Variants in DPP10 observed in about 807,000 individuals in gnomAD.
DPP10 encodes dipeptidyl peptidase like 10.
Under a neutral mutation model 120.9 loss-of-function variants are expected in DPP10, and 33 were observed. That is an observed-to-expected ratio of 0.27 (90% confidence interval 0.21 to 0.37). DPP10 has a LOEUF of 0.37. DPP10 is among the 10% of genes least tolerant of loss of function. The pLI, the probability that DPP10 is intolerant of heterozygous loss-of-function variation, is 1.00. For missense variants in DPP10, 816 were observed against 942.8 expected (o/e 0.87, Z 1.76); for synonymous variants, 337 against 326.1 (o/e 1.03, Z -0.36).
At chr2:115,518,258 A>G (rs1462511492) in intron 4 of DPP10, among the ~76,000 whole-genome samples, 2 of 152,190 alleles carry the variant, frequency 1.3e-5, no homozygotes, top group Non-Finnish European at 2.9e-5. Flanking sequence ...AGCAATATCA[A>G]ATATGGTATC....
chr2:114,590,274 T>C (rs764182715), intron 1 of DPP10, among the ~76,000 whole-genome samples: 2 of 152,148 alleles, frequency 1.3e-5, no homozygotes. Context: ...AATTGAGGAA[T>C]GAGTGTAGTC....
chr2:115,724,849 G>C (rs2092728126), intron 7 of DPP10, among the ~76,000 whole-genome samples: 1 of 152,170 alleles, frequency 6.6e-6, no homozygotes, highest in African/African-American at 2.4e-5. Flanking sequence ...GGTAAAGCAG[G>C]AGCAGGCATA....
chr2:114,783,423 T>C (rs893143907), intron 1 of DPP10, among the ~76,000 whole-genome samples: 1 of 152,104 alleles, frequency 6.6e-6, no homozygotes, highest in South Asian at 2.1e-4. Flanking sequence ...ACAGAACAGA[T>C]ATAAGAAGAG....
intron 19 of DPP10, among the ~76,000 whole-genome samples, chr2:115,797,000 T>C (rs1265947916): frequency 6.6e-6 from 1 of 152,146 alleles, no homozygotes; most frequent in African/African-American, 2.4e-5. Flanking sequence ...ATGATAATTA[T>C]TGGCATATTA....
chr2:114,988,238 C>T (rs1056816038), intron 1 of DPP10, among the ~76,000 whole-genome samples: 1 of 152,168 alleles, frequency 6.6e-6, no homozygotes, highest in Non-Finnish European at 1.5e-5. Context: ...TTATTATTGC[C>T]CTTGTTCACT....
chr2:114,967,767 C>T (rs1699135235), intron 1 of DPP10, among the ~76,000 whole-genome samples: 1 of 151,816 alleles, frequency 6.6e-6, no homozygotes, highest in Admixed American at 6.6e-5. Flanking sequence ...ATCCTTATCG[C>T]CTCTGCCTTA....
chr2:114,958,560 G>A (rs1490654113), intron 1 of DPP10, among the ~76,000 whole-genome samples: 1 of 152,180 alleles, frequency 6.6e-6, no homozygotes, highest in Non-Finnish European at 1.5e-5. Flanking sequence ...ATAAGCATGT[G>A]AGGTGATGGA....
intron 3 of DPP10, among the ~76,000 whole-genome samples, chr2:115,349,187 A>G (rs1200180306): frequency 6.6e-6 from 1 of 152,072 alleles, no homozygotes; most frequent in Admixed American, 6.6e-5. Flanking sequence ...ATCTTATTGG[A>G]CTCATGTTGG....
intron 1 of DPP10, among the ~76,000 whole-genome samples, chr2:115,111,659 C>G (rs1214250473): frequency 6.6e-6 from 1 of 152,076 alleles, no homozygotes; most frequent in African/African-American, 2.4e-5. Context: ...AACTTTCAGC[C>G]ACCAATACTC....
At chr2:114,953,579 G>T (rs998004771) in intron 1 of DPP10, among the ~76,000 whole-genome samples, 4 of 151,956 alleles carry the variant, frequency 2.6e-5, no homozygotes, top group Non-Finnish European at 5.9e-5. Flanking sequence ...TATTCTGAGC[G>T]AAGGTCTCCA....
At chr2:115,157,992 T>C (rs2052037810) in intron 1 of DPP10, among the ~76,000 whole-genome samples, 1 of 152,212 alleles carries the variant, frequency 6.6e-6, no homozygotes, top group Admixed American at 6.5e-5. Context: ...CTGTTTGCCT[T>C]GTCTAATTTA....
At chr2:114,564,846 G>T (rs1460142298) in intron 1 of DPP10, among the ~76,000 whole-genome samples, 2 of 152,134 alleles carry the variant, frequency 1.3e-5, no homozygotes, top group African/African-American at 4.8e-5. Flanking sequence ...AGGCTGTGGT[G>T]CACTGTTTGT....
intron 1 of DPP10, among the ~76,000 whole-genome samples, chr2:115,188,956 T>G (rs546249949): frequency 3.3e-5 from 5 of 152,320 alleles, no homozygotes; most frequent in African/African-American, 1.2e-4. Flanking sequence ...AATGCAATAC[T>G]TCACAGCTAT....
At chr2:114,848,532 A>C (rs550837885) in intron 1 of DPP10, among the ~76,000 whole-genome samples, 1 of 152,312 alleles carries the variant, frequency 6.6e-6, no homozygotes, top group African/African-American at 2.4e-5. Flanking sequence ...TGGTGCCCCA[A>C]GGACAATAAA....
intron 1 of DPP10, among the ~76,000 whole-genome samples, chr2:114,521,766 G>C (rs1434932333): frequency 2.7e-5 from 4 of 149,912 alleles, no homozygotes; most frequent in Non-Finnish European, 4.4e-5. Flanking sequence ...CCAGAACACA[G>C]AGGAAAAATT....
At chr2:114,942,470 A>G (rs531364705) in intron 1 of DPP10, among the ~76,000 whole-genome samples, 57 of 146,020 alleles carry the variant, frequency 3.9e-4, no homozygotes, top group African/African-American at 1.5e-3. Flanking sequence ...GGCCAATTCA[A>G]TTGGTTCATT....
Position 115,727,710 on chromosome 2 carries a change from G to A in DPP10, c.577-106G>A, listed in dbSNP as rs115778619. 4,822 of 1,256,960 alleles carry A rather than the reference G, an allele frequency of 3.8e-3. 15 individuals are homozygous for A. The highest frequency in any genetic ancestry group is 4.8e-3 in the African/African-American group (303 of 63,722). 77.9% of individuals were successfully genotyped at this position (1,256,960 alleles called of 1,614,324 possible). On this transcript the variant is annotated intron_variant, in intron 7 of 25. Transcript: ENST00000410059. ...CTTGAATAAAAACAACTTGAAGCCC[G>A]TAAATAATACAACATGGCTATTCAG...
At chr2:115,517,216 T>C (rs1409277606) in intron 4 of DPP10, among the ~76,000 whole-genome samples, 1 of 152,160 alleles carries the variant, frequency 6.6e-6, no homozygotes, top group Non-Finnish European at 1.5e-5. Context: ...TCAACTGTGC[T>C]TAGGAGCTAT....
rs2068039213 is a variant in DPP10 at position 115,401,073 on chromosome 2, A to G, written c.271+57161A>G. Among the ~76,000 whole-genome samples the G allele has an allele frequency of 2.0e-5, 3 of 152,200 alleles. No individual in the cohort carries two copies. The South Asian group carries it at 6.2e-4, about 31-fold the overall frequency. On this transcript the variant is annotated intron_variant, in intron 3 of 25. Transcript: ENST00000410059. The stretch of plus-strand genomic sequence containing the variant: ...AAGAGATTCTGAAAATGAGCGAGCC[A>G]TAGAAGGTCTGAGATAAGGTCTCGC...
Sources: allele counts gnomAD v4.1 joint callset (sites outside exome capture counted in the v4.1 genomes callset), GRCh38; gene constraint gnomAD v4.1.1; transcripts MANE v1.5; gene names NCBI Gene and HGNC (gene_info 2026-07-23, HGNC 2026-07-21).